DSP: variants seen among roughly 807,000 people sequenced by gnomAD.
DSP encodes 250/210 kDa paraneoplastic pemphigus antigen.
A neutral mutation model predicts 290.6 loss-of-function variants in DSP; 114 were observed. The ratio of observed to expected loss-of-function variants is 0.39; its 90% CI spans 0.34 to 0.46. The LOEUF (loss-of-function observed/expected upper bound fraction) is 0.46, where lower values mean the gene tolerates loss of function less well. Among genes scored for constraint, DSP ranks in the 20% least tolerant of loss-of-function variants. The pLI is 0.99. For missense variants in DSP, 3,230 were observed against 3,495.8 expected (o/e 0.92, Z 1.92); for synonymous variants, 1,311 against 1,316.4 (o/e 1.00, Z 0.09).
intron 1 of DSP, among the ~76,000 whole-genome samples, chr6:7,550,803 T>C (rs1758318800): frequency 6.6e-6 from 1 of 151,942 alleles, no homozygotes. Context: ...TTCTTTTTTT[T>C]TTTTTAAAAA....
At chr6:7,578,588 G>T (rs1759321366) in intron 22 of DSP, 26 bp downstream of exon 22, 1 of 1,560,678 alleles carries the variant, frequency 6.4e-7, no homozygotes, top group Non-Finnish European at 8.8e-7. Flanking sequence ...TTTTCTTGTA[G>T]CGTCAAAAAA....
intron 6 of DSP, among the ~76,000 whole-genome samples, chr6:7,564,833 A>G (rs142994658): frequency 1.3e-5 from 2 of 152,186 alleles, no homozygotes; most frequent in East Asian, 1.9e-4. Context: ...CCAAAAAAAG[A>G]CCTTATTTAG....
chr6:7,570,721 A>G (rs951957602), intron 13 of DSP, among the ~76,000 whole-genome samples, 158 bp downstream of exon 13: 12 of 152,146 alleles, frequency 7.9e-5, no homozygotes, highest in African/African-American at 2.9e-4. Context: ...GGTCTGTCCA[A>G]TAGAGAACAG....
Position 7,541,972 on chromosome 6 carries a change from C to A in DSP, c.57C>A (p.Arg19=), listed in dbSNP as rs2113628728. The A allele has an allele frequency of 8.7e-6, 14 of 1,606,506 alleles. No homozygotes were observed. Among genetic ancestry groups the A allele is most frequent in the Non-Finnish European group, 1.2e-5 (14 of 1,177,594 alleles). ...TCAACACTCTGGGCCGCATGATCCG[C>A]GCCGAGTCTGGCCCGGACCTGCGCT... is the stretch of plus-strand genomic sequence containing the variant. ...PRINTLGRMI[R]AESGPDLRYE... Residue 19 remains arginine, a synonymous_variant, in exon 1 of 24, where the codon CGC becomes CGA. Coordinates refer to ENST00000379802, the MANE Select transcript of DSP (RefSeq NM_004415.4).
chr6:7,584,432 A>G lies in DSP; in HGVS notation c.7170A>G (p.Ile2390Met). 1 of 1,614,204 alleles carries G rather than the reference A, an allele frequency of 6.2e-7. No homozygotes were observed. The highest frequency in any genetic ancestry group is 8.5e-7 in the Non-Finnish European group (1 of 1,180,028). The change falls in exon 24 of 24, where the codon ATA (isoleucine) becomes ATG (methionine). Residue 2390 changes from isoleucine (I) to methionine (M), a missense_variant. This residue lies in a region of DSP where 207 missense variants were observed against 281.2 expected (regional missense o/e 0.74). Transcript: ENST00000379802. This position sits in a 1 kb window ranked among gnomAD's most constrained non-coding sequence, Gnocchi z 6.4. Reference protein sequence around the residue: ...PKESHRLPVDIAYKRGYFNEE... With the variant: ...PKESHRLPVDMAYKRGYFNEE... Reference sequence around the variant, plus strand: ...AGAGCCATCGTTTACCAGTTGACATAGCATATAAGAGGGGCTATTTCAATG... The same window carrying G: ...AGAGCCATCGTTTACCAGTTGACATGGCATATAAGAGGGGCTATTTCAATG...
At position 7,541,871 on chromosome 6, in the gene DSP, C is replaced by T. The variant is rs764279904; in HGVS notation, c.-45C>T. 7 of 1,578,554 alleles carry T rather than the reference C, an allele frequency of 4.4e-6. No homozygotes were observed. The highest frequency in any genetic ancestry group is 6.0e-6 in the Non-Finnish European group (7 of 1,164,314). On this transcript the variant is annotated 5_prime_UTR_variant, in exon 1 of 24. Coordinates refer to ENST00000379802, the MANE Select transcript of DSP (RefSeq NM_004415.4). ...CCGCTTTCTCCGCGCCGGCCCGCCTCGCTTATGCCTCGGCGCTGAGCCGCT... is the reference window on the plus strand; with the variant it reads ...CCGCTTTCTCCGCGCCGGCCCGCCTTGCTTATGCCTCGGCGCTGAGCCGCT...
At position 7,579,954 on chromosome 6, in the gene DSP, G is replaced by T; in HGVS notation, c.3764G>T (p.Arg1255Met). The T allele has an allele frequency of 6.2e-7, 1 of 1,614,150 alleles. No homozygotes were observed. Among genetic ancestry groups the T allele is most frequent in the Non-Finnish European group, 8.5e-7 (1 of 1,180,022 alleles). Reference sequence around the variant, plus strand: ...CGAGATCTGAAGGATGAAATTGTCAGGCTCAATGACAGCATCTTGCAGGCC... The same window carrying T: ...CGAGATCTGAAGGATGAAATTGTCATGCTCAATGACAGCATCTTGCAGGCC... ...ENRDLKDEIV[R>M]LNDSILQATE... The change falls in exon 23 of 24, where the codon AGG (arginine) becomes ATG (methionine). Residue 1255 changes from arginine to methionine, a missense_variant. Around this residue, in one of 5 missense-constraint regions of DSP, gnomAD observed 1,714 missense variants for 1,844.5 expected, o/e 0.93. Transcript: ENST00000379802. This position sits in a 1 kb window ranked among gnomAD's most constrained non-coding sequence, Gnocchi z 4.1.
Position 7,580,883 on chromosome 6 carries a change from GAGCTGC to G in DSP, c.4702_4707del (p.Leu1568_Gln1569del), listed in dbSNP as rs1379223945. Reference sequence around the variant, plus strand: ...CACGCGGTTCCAGAACTCTCTGAAAGAGCTGCAGCTGCAGAAGCAGAAGGTGGAAGA... The same window carrying G: ...CACGCGGTTCCAGAACTCTCTGAAAGAGCTGCAGAAGCAGAAGGTGGAAGA... On this transcript the variant is annotated inframe_deletion, in exon 23 of 24. Transcript: ENST00000379802. The surrounding 1 kb of genome is among the most constrained non-coding windows in gnomAD (Gnocchi z 4.2). The G allele has an allele frequency of 1.1e-5, 18 of 1,614,162 alleles. No homozygotes were observed. Among genetic ancestry groups the G allele is most frequent in the Non-Finnish European group, 1.4e-5 (16 of 1,180,034 alleles).
At chr6:7,553,655 A>G (rs1758404947) in intron 1 of DSP, among the ~76,000 whole-genome samples, 1 of 152,212 alleles carries the variant, frequency 6.6e-6, no homozygotes, top group Non-Finnish European at 1.5e-5. Flanking sequence ...TAGGACAACA[A>G]ATGTGATCTT....
At chr6:7,556,242 A>G (rs1758503382) in intron 2 of DSP, among the ~76,000 whole-genome samples, 1 of 152,154 alleles carries the variant, frequency 6.6e-6, no homozygotes, top group Non-Finnish European at 1.5e-5. Context: ...TGAGATAACA[A>G]TTCTATCTGA....
intron 1 of DSP, among the ~76,000 whole-genome samples, chr6:7,549,444 C>T (rs1165379866): frequency 2.0e-5 from 3 of 152,092 alleles, no homozygotes; most frequent in South Asian, 2.1e-4. Context: ...CCACCGTACC[C>T]GGCTAGTGAA....
At chr6:7,549,674 T>C (rs1469593678) in intron 1 of DSP, among the ~76,000 whole-genome samples, 4 of 152,180 alleles carry the variant, frequency 2.6e-5, no homozygotes, top group African/African-American at 9.7e-5. Flanking sequence ...GTAATTATTC[T>C]GTGAACCTGA....
Position 7,583,510 on chromosome 6 carries a change from G to A in DSP, c.6248G>A (p.Arg2083His), listed in dbSNP as rs574637009. The A allele has an allele frequency of 1.9e-5, 31 of 1,614,136 alleles. No homozygotes were observed. The highest frequency in any genetic ancestry group is 8.0e-5 in the African/African-American group (6 of 75,028). ...CGGGACCTCATTGACTTCGATGACC[G>A]TCAGCAGATATATGCAGCAGAAAAA... ...IARDLIDFDD[R>H]QQIYAAEKAI... Residue 2083 changes from arginine (R) to histidine (H), a missense_variant, in exon 24 of 24, where the codon CGT becomes CAT. Arg to His is a conservative substitution (Grantham distance 29). Transcript: ENST00000379802. This position sits in a 1 kb window ranked among gnomAD's most constrained non-coding sequence, Gnocchi z 4.0.
rs999226571 is a variant in DSP at position 7,565,672 on chromosome 6, G to A, written c.939+152G>A. The A allele has an allele frequency of 1.9e-6, 2 of 1,075,844 alleles. No homozygotes were observed. Among genetic ancestry groups the A allele is most frequent in the African/African-American group, 1.6e-5 (1 of 63,476 alleles). The allele number at this position is 1,075,844 out of a possible 1,614,324, so 66.6% of individuals were successfully genotyped here. ...TGGTCGTGAAAAATCCTTCCTTCCT[G>A]AAAACTTCTCCGTGTGGAGGCCATT... On this transcript the variant is annotated intron_variant, in intron 7 of 23. Transcript: ENST00000379802. This position sits in a 1 kb window ranked among gnomAD's most constrained non-coding sequence, Gnocchi z 4.2.
At position 7,585,098 on chromosome 6, in the gene DSP, C is replaced by G. The variant is rs762381028; in HGVS notation, c.7836C>G (p.Thr2612=). The G allele has an allele frequency of 1.2e-6, 2 of 1,614,082 alleles. No homozygotes were observed. The highest frequency in any genetic ancestry group is 1.7e-6 in the Non-Finnish European group (2 of 1,180,034). Residue 2612 remains threonine, a synonymous_variant, in exon 24 of 24, where the codon ACC becomes ACG. Transcript: ENST00000379802. ...TAAGGAGCAGCTCTTTTTCAGACAC[C>G]CTGGAAGAATCGAGCCCCATTGCAG... is the stretch of plus-strand genomic sequence containing the variant. ...LTIRSSSFSD[T]LEESSPIAAI... is the part of the protein sequence containing the mutation.
At chr6:7,543,641 A>C (rs764304312) in intron 1 of DSP, among the ~76,000 whole-genome samples, 14 of 152,198 alleles carry the variant, frequency 9.2e-5, no homozygotes, top group Non-Finnish European at 1.6e-4. Flanking sequence ...GGTTACACAC[A>C]GTTTAAATCC....
At chr6:7,569,553 G>A (rs1758980494) in intron 12 of DSP, among the ~76,000 whole-genome samples, 1 of 152,216 alleles carries the variant, frequency 6.6e-6, no homozygotes, top group Non-Finnish European at 1.5e-5. Flanking sequence ...GGGAATATCT[G>A]GCCGGGTGTG....
At chr6:7,558,979 T>C (rs182923783) in intron 3 of DSP, among the ~76,000 whole-genome samples, 4 of 152,274 alleles carry the variant, frequency 2.6e-5, no homozygotes, top group African/African-American at 9.6e-5. Context: ...TGAAAGTTGC[T>C]CCCAGGTTAG....
intron 8 of DSP, 65 bp downstream of exon 8, chr6:7,566,546 C>A: frequency 7.9e-7 from 1 of 1,270,774 alleles, no homozygotes; most frequent in Non-Finnish European, 1.1e-6. Flanking sequence ...TAAGACTAAC[C>A]AAATGAGTAA....
Sources: gnomAD v4.1 joint callset for allele counts (sites outside exome capture counted in the v4.1 genomes callset) on GRCh38, gnomAD v4.1.1 for gene constraint, gnomAD v4.1.1 regional missense constraint, Gnocchi (gnomAD v3.1) non-coding constraint, MANE v1.5 for transcripts, NCBI Gene and HGNC (gene_info 2026-07-23, HGNC 2026-07-21) for gene names.